Variants in COP1 observed in about 807,000 individuals in gnomAD.
COP1 encodes COP1 E3 ubiquitin ligase.
A neutral mutation model predicts 101.3 loss-of-function variants in COP1; 24 were observed. The ratio of observed to expected loss-of-function variants is 0.24; its 90% CI spans 0.17 to 0.33. The LOEUF is 0.33. Ranked by LOEUF, COP1 falls within the 10% of genes least tolerant of loss-of-function variation. The pLI, the probability that COP1 is intolerant of heterozygous loss-of-function variation, is 1.00. For missense variants in COP1, 663 were observed against 906.2 expected, an observed-to-expected ratio of 0.73 and a Z score of 3.45; for synonymous variants, 347 against 341.9, an observed-to-expected ratio of 1.01 and a Z score of -0.17.
At chr1:176,071,766 T>A (rs980614113) in intron 11 of COP1, among the ~76,000 whole-genome samples, 3 of 152,234 alleles carry the variant, frequency 2.0e-5, no homozygotes, top group African/African-American at 7.2e-5. Flanking sequence ...CTACTTTTAT[T>A]TCTTGGATAC....
At chr1:176,166,272 G>A (rs1324099673) in intron 3 of COP1, among the ~76,000 whole-genome samples, 1 of 152,028 alleles carries the variant, frequency 6.6e-6, no homozygotes, top group Non-Finnish European at 1.5e-5. Context: ...GACTACAGGT[G>A]CACACCACTC....
intron 3 of COP1, among the ~76,000 whole-genome samples, chr1:176,174,007 A>AAACAAAAAAAAAAG (rs1456552067): frequency 8.2e-6 from 1 of 121,932 alleles, no homozygotes; most frequent in Non-Finnish European, 1.8e-5. Flanking sequence ...AAAAAAAAAA[A>AAACAAAAAAAAAAG]AGAGAATATA....
At chr1:176,042,284 A>AT (rs1670719134) in intron 14 of COP1, among the ~76,000 whole-genome samples, 1 of 148,120 alleles carries the variant, frequency 6.8e-6, no homozygotes. Flanking sequence ...AAAAAAAAAA[A>AT]AAAAGGTGGC....
At chr1:176,111,773 A>T (rs1200814729) in intron 9 of COP1, among the ~76,000 whole-genome samples, 2 of 152,140 alleles carry the variant, frequency 1.3e-5, no homozygotes, top group African/African-American at 4.8e-5. Context: ...TGCCAGGCTT[A>T]TACTCGACTA....
intron 9 of COP1, among the ~76,000 whole-genome samples, chr1:176,105,698 A>G (rs1402974100): frequency 6.6e-6 from 1 of 152,234 alleles, no homozygotes; most frequent in African/African-American, 2.4e-5. Context: ...TATTAACTAA[A>G]GATAAATAAT....
intron 5 of COP1, among the ~76,000 whole-genome samples, chr1:176,161,196 CATTTT>C (rs994096989): frequency 1.3e-5 from 2 of 152,164 alleles, no homozygotes; most frequent in Non-Finnish European, 2.9e-5. Flanking sequence ...TATCTTATCT[CATTTT>C]ATTTATTTTT....
chr1:176,166,514 T>C (rs1449383793), intron 3 of COP1, among the ~76,000 whole-genome samples: 2 of 152,196 alleles, frequency 1.3e-5, no homozygotes, highest in East Asian at 1.9e-4. Context: ...AAACAAACAA[T>C]GTATTAACTG....
intron 18 of COP1, 149 bp from the exon 19 acceptor site, chr1:175,947,388 T>C: frequency 1.7e-6 from 1 of 573,920 alleles, no homozygotes; most frequent in Non-Finnish European, 3.1e-6. Context: ...TTTTTTTTTT[T>C]GAGACGGAGT....
chr1:176,002,140 C>T (rs1418403065), intron 15 of COP1, among the ~76,000 whole-genome samples: 1 of 151,918 alleles, frequency 6.6e-6, no homozygotes, highest in African/African-American at 2.4e-5. Context: ...ATCCAATTTG[C>T]AAAAATACTG....
At chr1:176,072,237 C>A (rs1208923052) in intron 11 of COP1, among the ~76,000 whole-genome samples, 4 of 152,132 alleles carry the variant, frequency 2.6e-5, no homozygotes, top group Non-Finnish European at 5.9e-5. Flanking sequence ...TTTCAACAAG[C>A]AAATATGTGG....
chr1:175,945,158 C>A lies in COP1; in HGVS notation c.2191G>T (p.Val731Leu), dbSNP rs774985721. The part of the protein sequence containing the change: ...SQGTIKVLEL[V>L] The stretch of plus-strand genomic sequence containing the variant: ...ATTTGACTTGAGTTAACCCTTCATA[C>A]CAATTCTAGCACCTAATTGGGGGGA... Residue 731 changes from valine to leucine, a missense_variant, in exon 20 of 20, where the codon GTA becomes TTA. Transcript: ENST00000367669. 1.3e-6 allele frequency: 2 copies of A among 1,580,638 alleles called. No homozygotes were observed. Among genetic ancestry groups the A allele is most frequent in the South Asian group, 1.1e-5 (1 of 87,716 alleles).
chr1:175,979,790 G>A (rs866127829), intron 18 of COP1, among the ~76,000 whole-genome samples: 6 of 151,934 alleles, frequency 3.9e-5, no homozygotes, highest in South Asian at 4.1e-4. Context: ...AGTTTCAAGT[G>A]AGCCTATTAG....
intron 3 of COP1, among the ~76,000 whole-genome samples, chr1:176,169,418 A>C (rs1695695544): frequency 6.6e-6 from 1 of 152,016 alleles, no homozygotes; most frequent in Non-Finnish European, 1.5e-5. Flanking sequence ...AATTAAGTTC[A>C]AAAAAAACTT....
intron 15 of COP1, among the ~76,000 whole-genome samples, chr1:176,008,125 C>G (rs1205554076): frequency 6.6e-6 from 1 of 152,214 alleles, no homozygotes; most frequent in Non-Finnish European, 1.5e-5. Context: ...GTCCGTCACC[C>G]CTTTCTTTGA....
At chr1:176,084,817 C>G (rs1558074334) in intron 10 of COP1, among the ~76,000 whole-genome samples, 1 of 151,240 alleles carries the variant, frequency 6.6e-6, no homozygotes, top group Middle Eastern at 3.4e-3. Context: ...AGAAAACCAA[C>G]ACCCAGTTTT....
At chr1:175,979,958 T>C (rs1655419400) in intron 18 of COP1, among the ~76,000 whole-genome samples, 2 of 152,212 alleles carry the variant, frequency 1.3e-5, no homozygotes, top group Non-Finnish European at 2.9e-5. Context: ...AAACACGCTG[T>C]GTAATGCTAG....
intron 1 of COP1, among the ~76,000 whole-genome samples, chr1:176,192,507 A>C (rs1699217828): frequency 6.6e-6 from 1 of 152,186 alleles, no homozygotes; most frequent in Non-Finnish European, 1.5e-5. Context: ...CAAGAACTTT[A>C]GGCCAACTCA....
rs189941889 is a variant in COP1, at chr1:175,992,579, G to A, written c.1730-3100C>T. ...TTTACCGACAGGCTTAAAAAATGGC[G>A]GACCAGGAGATTATATCCCGCACCT... On this transcript the variant is annotated intron_variant, in intron 15 of 19. Transcript: ENST00000367669. Among the ~76,000 whole-genome samples, 31 of 152,292 alleles carry A rather than the reference G, an allele frequency of 2.0e-4. No individual in the cohort carries two copies. In the East Asian group the frequency reaches 3.9e-3, roughly 19 times the overall value.
At chr1:176,041,659 T>A (rs1670558883) in intron 14 of COP1, among the ~76,000 whole-genome samples, 1 of 152,136 alleles carries the variant, frequency 6.6e-6, no homozygotes, top group African/African-American at 2.4e-5. Context: ...GGCCCCTGCT[T>A]GGATTTTTAA....
Sources: allele counts gnomAD v4.1 joint callset (sites outside exome capture counted in the v4.1 genomes callset), GRCh38; gene constraint gnomAD v4.1.1; transcripts MANE v1.5; gene names NCBI Gene and HGNC (gene_info 2026-07-23, HGNC 2026-07-21).